Variants in PRKN observed in about 807,000 individuals in gnomAD.
The protein encoded by PRKN is parkin RBR E3 ubiquitin protein ligase, also known as E3 ubiquitin-protein ligase parkin.
In PRKN, 56 loss-of-function variants were observed where a neutral mutation model predicts 59.5. The ratio of observed to expected loss-of-function variants is 0.94; its 90% CI spans 0.76 to 1.18. PRKN has a LOEUF of 1.18. Ranked by LOEUF, PRKN falls within the 50% of genes most tolerant of loss-of-function variation. The pLI is 0.00. For synonymous variants in PRKN, 250 were observed against 222.1 expected (o/e 1.13, Z -1.12); for missense variants, 657 against 596.4 (o/e 1.10, Z -1.06).
intron 1 of PRKN, among the ~76,000 whole-genome samples, chr6:162,638,838 G>A (rs142238085): frequency 0.02 from 2,920 of 143,486 alleles, 43 homozygotes; most frequent in Non-Finnish European, 0.032. Flanking sequence ...TCTGCCTCCC[G>A]GGTTCAAGCG....
rs755810349 is a variant in PRKN at position 162,413,366 on chromosome 6, C to T, written c.171+29944G>A. Among the ~76,000 whole-genome samples the T allele has an allele frequency of 1.3e-3, 203 of 152,088 alleles. 3 individuals are homozygous for T. Among genetic ancestry groups the T allele is most frequent in the Non-Finnish European group, 2.1e-4 (14 of 68,008 alleles). ...TATGAGGGAGCGGTCTACATATTTG[C>T]GTTGTGTAGCTATGCAGGGGGAAAG... On this transcript the variant is annotated intron_variant, in intron 2 of 11. Coordinates refer to ENST00000366898, the MANE Select transcript of PRKN (RefSeq NM_004562.3).
chr6:162,676,860 TG>T (rs1184195635), intron 1 of PRKN, among the ~76,000 whole-genome samples: 1 of 151,948 alleles, frequency 6.6e-6, no homozygotes, highest in African/African-American at 2.4e-5. Flanking sequence ...CAGGAGTTTG[TG>T]AGCAGCCTGG....
At chr6:162,131,924 C>G (rs1781378100) in intron 4 of PRKN, among the ~76,000 whole-genome samples, 1 of 152,280 alleles carries the variant, frequency 6.6e-6, no homozygotes, top group East Asian at 1.9e-4. Flanking sequence ...TCTGTGCCTT[C>G]AAGGACATCA....
chr6:161,679,100 C>T (rs1057178289), intron 7 of PRKN, among the ~76,000 whole-genome samples: 2 of 152,092 alleles, frequency 1.3e-5, no homozygotes, highest in Non-Finnish European at 2.9e-5. Context: ...GTGTCTGATG[C>T]CACAGCGGCA....
chr6:161,361,514 A>G lies in PRKN; in HGVS notation c.1168-1309T>C, dbSNP rs1784973908. Among the ~76,000 whole-genome samples the G allele has an allele frequency of 6.6e-6, 1 of 152,128 alleles. No individual in the cohort carries two copies. The highest frequency in any genetic ancestry group is 2.1e-4 in the South Asian group (1 of 4,796). On this transcript the variant is annotated intron_variant, in intron 10 of 11. Transcript: ENST00000366898. This position sits in a 1 kb window ranked among gnomAD's most constrained non-coding sequence, Gnocchi z 5.2. ...GTTACCAAATTTCAGGGGTTACCAA[A>G]CTTTCAGGGGTTACCACTAAACTTT...
At chr6:162,253,016 G>C (rs1342757882) in intron 3 of PRKN, among the ~76,000 whole-genome samples, 2 of 152,224 alleles carry the variant, frequency 1.3e-5, no homozygotes, top group Non-Finnish European at 2.9e-5. Flanking sequence ...CCTGGAGCCT[G>C]CCTTCCAGCG....
rs1358993328 is a variant in PRKN at position 161,588,340 on chromosome 6, A to C, written c.872-18924T>G. Among the ~76,000 whole-genome samples the C allele has an allele frequency of 6.6e-6, 1 of 151,934 alleles. No individual in the cohort carries two copies. The highest frequency in any genetic ancestry group is 1.9e-4 in the East Asian group (1 of 5,174). ...GGTTGTGGTGAGCCGAAGAGGCGCC[A>C]CTGCATTCCAGCCTGGGCAACAAGA... On this transcript the variant is annotated intron_variant, in intron 7 of 11. Coordinates refer to ENST00000366898, the MANE Select transcript of PRKN (RefSeq NM_004562.3). This position sits in a 1 kb window ranked among gnomAD's most constrained non-coding sequence, Gnocchi z 5.0.
At chr6:161,930,720 A>C (rs1356136599) in intron 6 of PRKN, among the ~76,000 whole-genome samples, 1 of 152,262 alleles carries the variant, frequency 6.6e-6, no homozygotes, top group Non-Finnish European at 1.5e-5. Flanking sequence ...TGTAGATAAT[A>C]ATCAGCTGAT....
At chr6:161,669,118 TG>T (rs1478467757) in intron 7 of PRKN, among the ~76,000 whole-genome samples, 1 of 152,188 alleles carries the variant, frequency 6.6e-6, no homozygotes, top group African/African-American at 2.4e-5. Flanking sequence ...ACTTTCACTA[TG>T]GGAAGTCACA....
chr6:161,420,177 G>A (rs1788028390), intron 9 of PRKN, among the ~76,000 whole-genome samples: 2 of 150,690 alleles, frequency 1.3e-5, no homozygotes. Context: ...GACAGAGGTT[G>A]CAGTGAGCCG....
intron 1 of PRKN, among the ~76,000 whole-genome samples, chr6:162,708,581 C>T (rs1055110452): frequency 2.6e-5 from 4 of 152,128 alleles, no homozygotes; most frequent in African/African-American, 9.7e-5. Flanking sequence ...AATTGATTAG[C>T]CTCTTTCTCT....
chr6:161,773,871 T>C (rs1315841381), intron 7 of PRKN, among the ~76,000 whole-genome samples: 1 of 152,106 alleles, frequency 6.6e-6, no homozygotes, highest in African/African-American at 2.4e-5. Context: ...AGAGTCGAAA[T>C]TCAAGGAAAG....
rs576150593 is a variant in PRKN at position 162,345,534 on chromosome 6, C to A, written c.172-82769G>T. 2.6e-4 allele frequency among the ~76,000 whole-genome samples: 40 copies of A among 152,240 alleles called. No individual in the cohort carries two copies. The South Asian group carries it at 7.7e-3, about 29-fold the overall frequency. On this transcript the variant is annotated intron_variant, in intron 2 of 11. Transcript: ENST00000366898. ...TACTGAGGCTTTACTTAACCTCTAG[C>A]AATAGTTTTGTCAAGTTATTCACAA...
At chr6:162,157,317 A>G (rs1180559449) in intron 4 of PRKN, among the ~76,000 whole-genome samples, 1 of 151,544 alleles carries the variant, frequency 6.6e-6, no homozygotes, top group African/African-American at 2.4e-5. Flanking sequence ...TCATTTTCAC[A>G]TGTAGTGCCT....
At chr6:161,570,133 A>T (rs1047236256) in intron 7 of PRKN, among the ~76,000 whole-genome samples, 14 of 130,710 alleles carry the variant, frequency 1.1e-4, no homozygotes, top group African/African-American at 3.5e-4. Flanking sequence ...GTAAAAAAAA[A>T]AAAAAAAAAA....
chr6:161,860,049 T>C (rs1793827249), intron 6 of PRKN, among the ~76,000 whole-genome samples: 1 of 152,180 alleles, frequency 6.6e-6, no homozygotes, highest in African/African-American at 2.4e-5. Flanking sequence ...ATTATCATGT[T>C]GTCTTCAAGG....
intron 6 of PRKN, among the ~76,000 whole-genome samples, chr6:161,830,161 G>T (rs1046530114): frequency 3.9e-5 from 6 of 152,186 alleles, no homozygotes; most frequent in African/African-American, 1.2e-4. Context: ...CCACAGTTAA[G>T]GACTGGGGTT....
intron 5 of PRKN, among the ~76,000 whole-genome samples, chr6:162,007,416 G>A (rs1282315207): frequency 1.3e-5 from 2 of 152,094 alleles, no homozygotes; most frequent in Non-Finnish European, 2.9e-5. Flanking sequence ...AAACTTCACC[G>A]TCCCAGAGTA....
chr6:162,227,874 TG>T (rs1458694819), intron 3 of PRKN, among the ~76,000 whole-genome samples: 2 of 151,896 alleles, frequency 1.3e-5, no homozygotes, highest in Non-Finnish European at 2.9e-5. Context: ...TATTGAAATT[TG>T]GGGGAAGTCC....
Sources: gnomAD v4.1 joint callset for allele counts (sites outside exome capture counted in the v4.1 genomes callset) on GRCh38, gnomAD v4.1.1 for gene constraint, Gnocchi (gnomAD v3.1) non-coding constraint, MANE v1.5 for transcripts, NCBI Gene and HGNC (gene_info 2026-07-23, HGNC 2026-07-21) for gene names.